SIAH3: variants seen among roughly 807,000 people sequenced by gnomAD.
SIAH3 encodes the protein siah E3 ubiquitin protein ligase family member 3.
A neutral mutation model predicts 12.6 loss-of-function variants in SIAH3; 9 were observed. The observed-to-expected ratio is 0.72, with a 90% CI of 0.43 to 1.25. SIAH3 has a LOEUF of 1.25. Ranked by LOEUF, SIAH3 falls within the 50% of genes most tolerant of loss-of-function variation. SIAH3 has a pLI of 0.00. For missense variants in SIAH3, 390 were observed against 365.4 expected, an observed-to-expected ratio of 1.07 and a Z score of -0.55; for synonymous variants, 154 against 151.1, an observed-to-expected ratio of 1.02 and a Z score of -0.14.
In SIAH3 at chr13:45,783,119, C is replaced by A. The variant is rs978310383; in HGVS notation, c.*264G>T. 26 of 247,844 alleles carry A rather than the reference C, an allele frequency of 1.0e-4. 1 individual carries two copies. Among genetic ancestry groups the A allele is most frequent in the Non-Finnish European group, 5.3e-5 (7 of 132,154 alleles). The allele number at this position is 247,844 out of a possible 1,614,324, so 15.4% of individuals were successfully genotyped here. On this transcript the variant is annotated 3_prime_UTR_variant, in exon 2 of 2. Coordinates refer to ENST00000400405, the MANE Select transcript of SIAH3 (RefSeq NM_198849.3). ...AAAAAACTATTCTGAATAAATCTTA[C>A]AAACATTCTATAAAACAACACCAAC...
intron 1 of SIAH3, among the ~76,000 whole-genome samples, chr13:45,800,851 G>C (rs1479776501): frequency 6.6e-6 from 1 of 152,200 alleles, no homozygotes; most frequent in Non-Finnish European, 1.5e-5. Context: ...CCTGGCAAGG[G>C]CTTCCATGGG....
At chr13:45,809,250 A>G (rs951340143) in intron 1 of SIAH3, among the ~76,000 whole-genome samples, 1 of 152,044 alleles carries the variant, frequency 6.6e-6, no homozygotes. Context: ...CTTTAAATGG[A>G]CTCTGTAAGT....
chr13:45,810,553 T>G (rs1174889235), intron 1 of SIAH3, among the ~76,000 whole-genome samples: 1 of 152,130 alleles, frequency 6.6e-6, no homozygotes, highest in African/African-American at 2.4e-5. Context: ...CAGGGACCCA[T>G]GTAGACTGGA....
intron 1 of SIAH3, among the ~76,000 whole-genome samples, chr13:45,838,013 A>AC (rs1353784279): frequency 2.6e-5 from 4 of 151,902 alleles, no homozygotes; most frequent in African/African-American, 9.7e-5. Context: ...TCACCACATC[A>AC]CCCCCCATTT....
chr13:45,834,905 A>T (rs1056917149), intron 1 of SIAH3, among the ~76,000 whole-genome samples: 2 of 152,234 alleles, frequency 1.3e-5, no homozygotes, highest in African/African-American at 4.8e-5. Flanking sequence ...TTAAGGATCA[A>T]ATAAATTAAT....
intron 1 of SIAH3, among the ~76,000 whole-genome samples, chr13:45,793,571 C>T (rs1016902342): frequency 2.0e-5 from 3 of 152,102 alleles, no homozygotes; most frequent in Non-Finnish European, 2.9e-5. Flanking sequence ...CCACTGTATC[C>T]GAAGTGTCAG....
At chr13:45,801,475 A>G (rs1257282855) in intron 1 of SIAH3, among the ~76,000 whole-genome samples, 1 of 152,206 alleles carries the variant, frequency 6.6e-6, no homozygotes, top group African/African-American at 2.4e-5. Flanking sequence ...GCAAGACGAG[A>G]GTAAGAAAGA....
intron 1 of SIAH3, among the ~76,000 whole-genome samples, chr13:45,813,723 C>T (rs553614258): frequency 1.3e-5 from 2 of 152,240 alleles, no homozygotes; most frequent in Admixed American, 6.5e-5. Flanking sequence ...GGCCTGCTTC[C>T]TAGTTTGCAG....
intron 1 of SIAH3, among the ~76,000 whole-genome samples, chr13:45,812,736 A>G (rs1031783714): frequency 6.6e-6 from 1 of 152,154 alleles, no homozygotes; most frequent in African/African-American, 2.4e-5. Context: ...GCTTTCACTG[A>G]GTGTTGAGAA....
Position 45,833,252 on chromosome 13 carries a change from C to A in SIAH3, c.135+18243G>T, listed in dbSNP as rs530669821. Among the ~76,000 whole-genome samples, 7 of 152,344 alleles carry A rather than the reference C, an allele frequency of 4.6e-5. No individual in the cohort carries two copies. The East Asian group carries it at 1.3e-3, about 29-fold the overall frequency. On this transcript the variant is annotated intron_variant, in intron 1 of 1. Transcript: ENST00000400405. The stretch of plus-strand genomic sequence containing the variant: ...TTGAATGAAGGAGCTACTCCCACTT[C>A]TTTTCCTCATTTCTCTTCCATCATC...
chr13:45,843,304 T>G (rs1566098640), intron 1 of SIAH3, among the ~76,000 whole-genome samples: 2 of 152,072 alleles, frequency 1.3e-5, no homozygotes, highest in Non-Finnish European at 2.9e-5. Flanking sequence ...ACATGCAGTT[T>G]CTGCCTCCAT....
Position 45,780,432 on chromosome 13 carries a change from A to T in SIAH3, c.*2951T>A, listed in dbSNP as rs1424710961. 1.3e-5 allele frequency: 2 copies of T among 148,924 alleles called. No homozygotes were observed. The highest frequency in any genetic ancestry group is 2.9e-5 in the Non-Finnish European group (2 of 67,798). 9.2% of individuals were successfully genotyped at this position (148,924 alleles called of 1,614,324 possible). On this transcript the variant is annotated 3_prime_UTR_variant, in exon 2 of 2. Coordinates refer to ENST00000400405, the MANE Select transcript of SIAH3 (RefSeq NM_198849.3). ...ACTATAGGCTTGTGTCACCATGCCCAGCTGATTTTTTTTTTTGTAGAAATG... is the reference window on the plus strand; with the variant it reads ...ACTATAGGCTTGTGTCACCATGCCCTGCTGATTTTTTTTTTTGTAGAAATG...
intron 1 of SIAH3, among the ~76,000 whole-genome samples, chr13:45,848,280 G>A (rs1950767625): frequency 6.6e-6 from 1 of 152,212 alleles, no homozygotes; most frequent in African/African-American, 2.4e-5. Context: ...TGTGCAAGTG[G>A]TCCTCAGAGA....
intron 1 of SIAH3, among the ~76,000 whole-genome samples, chr13:45,789,156 A>C (rs1319559785): frequency 6.6e-6 from 1 of 152,190 alleles, no homozygotes; most frequent in Non-Finnish European, 1.5e-5. Flanking sequence ...CAAGAGAGAA[A>C]ACAACAGTAA....
chr13:45,848,839 G>A lies in SIAH3; in HGVS notation c.135+2656C>T, dbSNP rs78524042. Among the ~76,000 whole-genome samples, 1,022 of 152,220 alleles carry A rather than the reference G, an allele frequency of 6.7e-3. 8 individuals carry two copies. The highest frequency in any genetic ancestry group is 0.012 in the Non-Finnish European group (804 of 68,004). On this transcript the variant is annotated intron_variant, in intron 1 of 1. Transcript: ENST00000400405. The stretch of plus-strand genomic sequence containing the variant: ...TGTCATACAAAATGTGGGGAAGCAC[G>A]GCAGATCAATAGCTATTCTGGGTTA...
chr13:45,829,931 G>A (rs1024087521), intron 1 of SIAH3, among the ~76,000 whole-genome samples: 4 of 152,092 alleles, frequency 2.6e-5, no homozygotes, highest in Admixed American at 6.6e-5. Flanking sequence ...GTCTGGCTGC[G>A]GTACAGGCCT....
Position 45,783,926 on chromosome 13 carries a change from G to A in SIAH3, c.267C>T (p.His89=), listed in dbSNP as rs753687058. ...GCAGCCCCGCCTCCTGGTGGTGAAG[G>A]TGGTGGGGGTGGGCGTGGTGGCGGA... is the stretch of plus-strand genomic sequence containing the variant. ...HHLRHHAHPH[H]LHHQEAGLHA... is the part of the protein sequence containing the mutation. Residue 89 remains histidine, a synonymous_variant, in exon 2 of 2, where the codon CAC becomes CAT. Transcript: ENST00000400405. 2 of 1,609,732 alleles carry A rather than the reference G, an allele frequency of 1.2e-6. No individual in the cohort carries two copies. Among genetic ancestry groups the A allele is most frequent in the South Asian group, 1.1e-5 (1 of 90,318 alleles).
intron 1 of SIAH3, among the ~76,000 whole-genome samples, chr13:45,830,632 T>C (rs1001900807): frequency 2.6e-5 from 4 of 152,260 alleles, no homozygotes; most frequent in African/African-American, 9.6e-5. Context: ...CCCTCTTCAC[T>C]GGTGCTTACC....
intron 1 of SIAH3, among the ~76,000 whole-genome samples, chr13:45,809,862 GT>G (rs1204047890): frequency 6.6e-6 from 1 of 152,144 alleles, no homozygotes; most frequent in Non-Finnish European, 1.5e-5. Context: ...AAAACTAAAT[GT>G]TGTTTCAAGA....
Sources: gnomAD v4.1 joint callset for allele counts (sites outside exome capture counted in the v4.1 genomes callset) on GRCh38, gnomAD v4.1.1 for gene constraint, MANE v1.5 for transcripts, NCBI Gene and HGNC (gene_info 2026-07-23, HGNC 2026-07-21) for gene names.